The following MEMO1 variants were observed in gnomAD, a reference collection of about 807,000 sequenced individuals.
MEMO1 encodes the protein mediator of cell motility 1.
A neutral mutation model predicts 45.2 loss-of-function variants in MEMO1; 6 were observed. The ratio of observed to expected loss-of-function variants is 0.13; its 90% CI spans 0.07 to 0.26. The LOEUF is 0.26. MEMO1 is among the 10% of genes least tolerant of loss of function. The pLI is 1.00. For missense variants in MEMO1, 184 were observed against 370.5 expected, an observed-to-expected ratio of 0.50 and a Z score of 4.13; for synonymous variants, 78 against 124.3, an observed-to-expected ratio of 0.63 and a Z score of 2.48.
chr2:31,873,844 G>GT (rs1292829211), intron 8 of MEMO1, among the ~76,000 whole-genome samples: 8 of 152,042 alleles, frequency 5.3e-5, no homozygotes, highest in Admixed American at 4.6e-4. Flanking sequence ...AGATAAAATA[G>GT]TAACAGTGAA....
At chr2:31,937,912 T>C (rs1665110207) in intron 3 of MEMO1, among the ~76,000 whole-genome samples, 5 of 152,328 alleles carry the variant, frequency 3.3e-5, no homozygotes, top group Admixed American at 2.0e-4. Flanking sequence ...TATTTCTGCA[T>C]AGTGCAAGAC....
At chr2:31,989,155 G>A (rs558075682) in intron 2 of MEMO1, among the ~76,000 whole-genome samples, 7 of 151,526 alleles carry the variant, frequency 4.6e-5, no homozygotes, top group East Asian at 3.9e-4. Context: ...GCGGTGAGCC[G>A]AGCCAAAGGC....
In MEMO1 at chr2:31,924,854, A is replaced by T. The variant is rs139493077; in HGVS notation, c.213-3944T>A. Among the ~76,000 whole-genome samples the T allele has an allele frequency of 5.1e-3, 772 of 152,342 alleles. 5 individuals are homozygous for T. Among genetic ancestry groups the T allele is most frequent in the African/African-American group, 0.017 (710 of 41,576 alleles). ...GTTTTTAGAGTTTTAATAATAGTCA[A>T]CTACCAATATGGAAAAGAACTAAAA... On this transcript the variant is annotated intron_variant, in intron 4 of 9. Coordinates refer to ENST00000404530, the MANE Select transcript of MEMO1 (RefSeq NM_001301833.4).
At chr2:31,938,323 A>G (rs1375426385) in intron 3 of MEMO1, among the ~76,000 whole-genome samples, 1 of 151,856 alleles carries the variant, frequency 6.6e-6, no homozygotes, top group Non-Finnish European at 1.5e-5. Context: ...GGTTTCCATG[A>G]TATGATTTAT....
intron 2 of MEMO1, among the ~76,000 whole-genome samples, chr2:31,986,053 T>C (rs1485281036): frequency 1.3e-5 from 2 of 152,284 alleles, no homozygotes; most frequent in South Asian, 2.1e-4. Context: ...GAACTCCCTG[T>C]TCTATTCTTT....
chr2:32,000,988 G>C (rs1673232726), intron 2 of MEMO1, among the ~76,000 whole-genome samples: 1 of 149,930 alleles, frequency 6.7e-6, no homozygotes, highest in African/African-American at 2.5e-5. Context: ...ATATTGAATT[G>C]CTGAATATTA....
At chr2:31,921,425 G>T (rs1444753802) in intron 4 of MEMO1, among the ~76,000 whole-genome samples, 2 of 152,044 alleles carry the variant, frequency 1.3e-5, no homozygotes, top group African/African-American at 4.8e-5. Context: ...TTCTGTCTTT[G>T]TTGGATGGCC....
intron 2 of MEMO1, among the ~76,000 whole-genome samples, chr2:31,996,164 A>G (rs1483171933): frequency 6.6e-6 from 1 of 151,076 alleles, no homozygotes; most frequent in Non-Finnish European, 1.5e-5. Context: ...GGAGGGAGGA[A>G]GGGAGAGAGA....
At chr2:31,928,340 C>T (rs560406222) in intron 4 of MEMO1, among the ~76,000 whole-genome samples, 6 of 152,188 alleles carry the variant, frequency 3.9e-5, no homozygotes, top group Admixed American at 1.3e-4. Context: ...GTGAGGTGTT[C>T]GAGACCAGCC....
At chr2:31,923,084 C>CGGT (rs929014246) in intron 4 of MEMO1, among the ~76,000 whole-genome samples, 5 of 152,152 alleles carry the variant, frequency 3.3e-5, no homozygotes, top group Admixed American at 2.6e-4. Context: ...AATTTACACT[C>CGGT]CTACCAACAA....
intron 2 of MEMO1, among the ~76,000 whole-genome samples, chr2:31,986,133 G>C (rs552218295): frequency 1.3e-5 from 2 of 151,976 alleles, no homozygotes; most frequent in African/African-American, 4.8e-5. Context: ...GGTGGCTCAC[G>C]TCTGTAATCC....
intron 6 of MEMO1, among the ~76,000 whole-genome samples, chr2:31,907,722 G>A (rs952563696): frequency 1.3e-5 from 2 of 151,750 alleles, no homozygotes; most frequent in African/African-American, 4.8e-5. Context: ...GAGCACGGGA[G>A]GTGGAAGTTG....
intron 2 of MEMO1, among the ~76,000 whole-genome samples, chr2:31,950,179 G>C (rs1666672413): frequency 6.6e-6 from 1 of 152,012 alleles, no homozygotes; most frequent in South Asian, 2.1e-4. Flanking sequence ...TCAGGAGTTT[G>C]AGACCAGCCT....
intron 6 of MEMO1, among the ~76,000 whole-genome samples, chr2:31,914,580 G>A (rs187259052): frequency 9.2e-5 from 14 of 152,078 alleles, no homozygotes; most frequent in Admixed American, 4.6e-4. Context: ...CTGCATGACC[G>A]TATCAAAACT....
intron 2 of MEMO1, among the ~76,000 whole-genome samples, chr2:31,956,856 T>C (rs189392839): frequency 4.6e-5 from 7 of 152,072 alleles, no homozygotes; most frequent in Non-Finnish European, 7.4e-5. Flanking sequence ...ACAAAAGAAA[T>C]GTGTAGGCCA....
intron 2 of MEMO1, among the ~76,000 whole-genome samples, chr2:31,970,511 C>T (rs1297767036): frequency 6.6e-6 from 1 of 152,066 alleles, no homozygotes; most frequent in African/African-American, 2.4e-5. Context: ...ATGTTAGACA[C>T]TGTTATACAA....
chr2:31,955,060 G>A (rs1667254244), intron 2 of MEMO1, among the ~76,000 whole-genome samples: 1 of 152,004 alleles, frequency 6.6e-6, no homozygotes, highest in Admixed American at 6.6e-5. Flanking sequence ...GGGCAACATG[G>A]TGAAACCCCA....
At chr2:31,895,928 C>A (rs527868080) in intron 6 of MEMO1, among the ~76,000 whole-genome samples, 6 of 150,644 alleles carry the variant, frequency 4.0e-5, no homozygotes, top group Admixed American at 4.0e-4. Flanking sequence ...CTGTAGGCTC[C>A]GCCCCCCGGG....
At chr2:31,930,447 T>C (rs72796828) in intron 4 of MEMO1, among the ~76,000 whole-genome samples, 6,799 of 152,220 alleles carry the variant, frequency 0.045, 229 homozygotes, top group Non-Finnish European at 0.069. Flanking sequence ...TTTCCACTTC[T>C]ATGAACATAA....
Sources: gnomAD v4.1 joint callset for allele counts (sites outside exome capture counted in the v4.1 genomes callset) on GRCh38, gnomAD v4.1.1 for gene constraint, MANE v1.5 for transcripts, NCBI Gene and HGNC (gene_info 2026-07-23, HGNC 2026-07-21) for gene names.